GRM7: variants seen among roughly 807,000 people sequenced by gnomAD.
GRM7 encodes metabotropic glutamate receptor 7.
GRM7 carries 35 observed loss-of-function variants against 84.5 expected under a neutral mutation model. That is an observed-to-expected ratio of 0.41 (90% CI 0.32 to 0.55). The LOEUF (loss-of-function observed/expected upper bound fraction) is 0.55, where lower values mean the gene tolerates loss of function less well. Ranked by LOEUF, GRM7 falls within the 20% of genes least tolerant of loss-of-function variation. The probability of loss-of-function intolerance (pLI) is 0.19; values close to 1 mark genes in which losing one functional copy is unlikely to be tolerated. For synonymous variants in GRM7, 487 were observed against 455.1 expected (o/e 1.07, Z -0.89); for missense variants, 1,003 against 1,194.6 (o/e 0.84, Z 2.36).
At chr3:6,864,845 A>G (rs1694887047) in intron 1 of GRM7, among the ~76,000 whole-genome samples, 1 of 152,224 alleles carries the variant, frequency 6.6e-6, no homozygotes, top group Non-Finnish European at 1.5e-5. Flanking sequence ...CTTCCTGGAA[A>G]TTTGGACCTG....
chr3:7,595,114 C>T (rs993342724), intron 8 of GRM7, among the ~76,000 whole-genome samples: 2 of 152,200 alleles, frequency 1.3e-5, no homozygotes, highest in African/African-American at 4.8e-5. Context: ...GTGCCTGGCA[C>T]TATCTAGGCC....
At chr3:7,147,652 G>A (rs1186139104) in intron 2 of GRM7, among the ~76,000 whole-genome samples, 1 of 152,090 alleles carries the variant, frequency 6.6e-6, no homozygotes, top group Non-Finnish European at 1.5e-5. Flanking sequence ...AAGCGCTTCC[G>A]GATACGGATG....
intron 9 of GRM7, among the ~76,000 whole-genome samples, chr3:7,694,074 G>A (rs575050950): frequency 9.2e-5 from 14 of 152,068 alleles, no homozygotes; most frequent in Admixed American, 2.0e-4. Flanking sequence ...TTCATGGGGG[G>A]TTCTGACCCA....
At chr3:6,947,688 C>CT (rs1165873224) in intron 1 of GRM7, among the ~76,000 whole-genome samples, 1 of 152,050 alleles carries the variant, frequency 6.6e-6, no homozygotes, top group Non-Finnish European at 1.5e-5. Context: ...TGGTCCTGGA[C>CT]TTTTTTTGGT....
intron 1 of GRM7, among the ~76,000 whole-genome samples, chr3:7,026,491 C>A (rs1050314224): frequency 6.6e-6 from 1 of 152,090 alleles, no homozygotes; most frequent in South Asian, 2.1e-4. Flanking sequence ...TTTCTATCCC[C>A]GGGAATTTTC....
chr3:7,500,116 A>G (rs1182561586), intron 7 of GRM7, among the ~76,000 whole-genome samples: 1 of 152,076 alleles, frequency 6.6e-6, no homozygotes, highest in African/African-American at 2.4e-5. Flanking sequence ...ACTCTACATT[A>G]TTACTTATGA....
intron 1 of GRM7, among the ~76,000 whole-genome samples, chr3:7,105,195 T>A (rs965140076): frequency 1.1e-4 from 17 of 151,688 alleles, no homozygotes; most frequent in Non-Finnish European, 2.2e-4. Context: ...ATTTTTTTTT[T>A]AAACTTAATG....
chr3:7,485,107 A>G (rs183377210), intron 7 of GRM7, among the ~76,000 whole-genome samples: 1 of 152,322 alleles, frequency 6.6e-6, no homozygotes, highest in African/African-American at 2.4e-5. Context: ...CCATGAAATG[A>G]AACTTAGACC....
At position 6,997,923 on chromosome 3, in the gene GRM7, C is replaced by T. The variant is rs942767300; in HGVS notation, c.519+136016C>T. Among the ~76,000 whole-genome samples the T allele has an allele frequency of 2.6e-5, 4 of 151,632 alleles. No individual in the cohort carries two copies. In the East Asian group the frequency reaches 5.8e-4, roughly 22 times the overall value. ...TCACCTAAGGTCATGAGTACGAGAC[C>T]ATCCTGGCCAATATGGTGAAACCCC... is the stretch of plus-strand genomic sequence containing the variant. On this transcript the variant is annotated intron_variant, in intron 1 of 9. Coordinates refer to ENST00000357716, the MANE Select transcript of GRM7 (RefSeq NM_000844.4).
chr3:7,388,333 G>A (rs1330219874), intron 4 of GRM7, among the ~76,000 whole-genome samples: 2 of 151,870 alleles, frequency 1.3e-5, no homozygotes, highest in Non-Finnish European at 2.9e-5. Context: ...GTGCTGCTGG[G>A]TTCAGTTTGC....
At chr3:7,530,888 C>T (rs904981316) in intron 7 of GRM7, among the ~76,000 whole-genome samples, 1 of 151,788 alleles carries the variant, frequency 6.6e-6, no homozygotes, top group African/African-American at 2.4e-5. Context: ...TTCTCCCATT[C>T]TGTAGGTTGC....
At chr3:7,542,907 G>A (rs966510298) in intron 7 of GRM7, among the ~76,000 whole-genome samples, 3 of 151,948 alleles carry the variant, frequency 2.0e-5, no homozygotes, top group Non-Finnish European at 4.4e-5. Flanking sequence ...TTTCATTATC[G>A]ACTTGCGTAC....
intron 2 of GRM7, among the ~76,000 whole-genome samples, chr3:7,296,422 TCTC>T (rs1699816833): frequency 5.9e-5 from 9 of 152,080 alleles, no homozygotes; most frequent in Admixed American, 4.6e-4. Context: ...TGTTCTCTCT[TCTC>T]CCATTTTCTG....
chr3:6,910,686 G>C (rs1008148628), intron 1 of GRM7, among the ~76,000 whole-genome samples: 2 of 152,074 alleles, frequency 1.3e-5, no homozygotes, highest in Non-Finnish European at 2.9e-5. Flanking sequence ...AGAAATTCGA[G>C]AATGTTCTGG....
intron 4 of GRM7, among the ~76,000 whole-genome samples, chr3:7,383,933 C>G (rs1259738231): frequency 6.6e-6 from 1 of 152,100 alleles, no homozygotes; most frequent in East Asian, 1.9e-4. Flanking sequence ...AAAATTCTCA[C>G]TAGGTAGAAA....
chr3:6,928,120 G>A lies in GRM7; in HGVS notation c.519+66213G>A, dbSNP rs1432064708. 6.6e-6 allele frequency among the ~76,000 whole-genome samples: 1 copy of A among 151,168 alleles called. No homozygotes were observed. The highest frequency in any genetic ancestry group is 1.5e-5 in the Non-Finnish European group (1 of 67,882). On this transcript the variant is annotated intron_variant, in intron 1 of 9. Transcript: ENST00000357716. This position sits in a 1 kb window ranked among gnomAD's most constrained non-coding sequence, Gnocchi z 4.5. Reference sequence around the variant, plus strand: ...CTTTTTTTTTTTTCTACACTGCTGAGGTAGGTATTTTAACACATCCCTCAT... The same window carrying A: ...CTTTTTTTTTTTTCTACACTGCTGAAGTAGGTATTTTAACACATCCCTCAT...
chr3:7,740,024 C>T lies in GRM7; in HGVS notation c.2699-333C>T, dbSNP rs117771872. Among the ~76,000 whole-genome samples the T allele has an allele frequency of 3.5e-3, 527 of 152,196 alleles. 10 individuals carry two copies. In the East Asian group the frequency reaches 0.065, roughly 19 times the overall value. On this transcript the variant is annotated intron_variant, in intron 9 of 9. Coordinates refer to ENST00000357716, the MANE Select transcript of GRM7 (RefSeq NM_000844.4). The stretch of plus-strand genomic sequence containing the variant: ...AAAGGTCTGTGAGAAGAGCACACAA[C>T]GAAATATACCACAGTGTGAGTGAAC...
At chr3:7,025,750 G>A (rs1219580955) in intron 1 of GRM7, among the ~76,000 whole-genome samples, 7 of 152,104 alleles carry the variant, frequency 4.6e-5, no homozygotes, top group African/African-American at 9.7e-5. Flanking sequence ...TCTTTTAGAA[G>A]CCTCATTACC....
intron 1 of GRM7, among the ~76,000 whole-genome samples, chr3:7,085,649 C>A (rs1056796786): frequency 3.1e-4 from 47 of 152,046 alleles, no homozygotes; most frequent in Non-Finnish European, 2.9e-4. Context: ...ACTTTTTACT[C>A]AAAAGTTAAG....
Sources: allele counts gnomAD v4.1 joint callset (sites outside exome capture counted in the v4.1 genomes callset), GRCh38; gene constraint gnomAD v4.1.1; non-coding constraint Gnocchi (gnomAD v3.1); transcripts MANE v1.5; gene names NCBI Gene and HGNC (gene_info 2026-07-23, HGNC 2026-07-21).